The following MARCHF8 variants were observed in gnomAD, a reference collection of about 807,000 sequenced individuals.
MARCHF8 encodes the protein membrane associated ring-CH-type finger 8, also known as E3 ubiquitin-protein ligase MARCHF8.
Under a neutral mutation model 51.6 loss-of-function variants are expected in MARCHF8, and 40 were observed. The ratio of observed to expected loss-of-function variants is 0.77; its 90% CI spans 0.60 to 1.01. MARCHF8 has a LOEUF of 1.01. Ranked by LOEUF, MARCHF8 falls within the 50% of genes least tolerant of loss-of-function variation. MARCHF8 has a pLI of 0.00. For synonymous variants in MARCHF8, 263 were observed against 280.3 expected, an observed-to-expected ratio of 0.94 and a Z score of 0.62; for missense variants, 685 against 708.6, an observed-to-expected ratio of 0.97 and a Z score of 0.38.
At chr10:45,569,897 A>T (rs568163057) in intron 1 of MARCHF8, among the ~76,000 whole-genome samples, 15 of 152,336 alleles carry the variant, frequency 9.8e-5, no homozygotes, top group African/African-American at 1.7e-4. Flanking sequence ...TACAAGAGAT[A>T]CCTTTTGAAT....
chr10:45,539,131 G>C (rs1000762266), upstream of MARCHF8, among the ~76,000 whole-genome samples: 1 of 152,178 alleles, frequency 6.6e-6, no homozygotes, highest in African/African-American at 2.4e-5. Context: ...TCAGACCACA[G>C]TGCAATCAAA....
chr10:45,463,980 A>G lies in MARCHF8; in HGVS notation c.259T>C (p.Ser87Pro), dbSNP rs1842883993. 1 of 1,535,476 alleles carries G rather than the reference A, an allele frequency of 6.5e-7. No individual in the cohort carries two copies. The highest frequency in any genetic ancestry group is 8.7e-7 in the Non-Finnish European group (1 of 1,146,640). The stretch of plus-strand genomic sequence containing the variant: ...ACGGAACTGTGGTGACAACACTCAG[A>G]AAACACTGCACTGGAACTGCATGCA... The part of the protein sequence containing the change: ...QDICSSSAVF[S>P]ECCHHSSVQS... Residue 87 changes from serine to proline, a missense_variant, in exon 5 of 8, where the codon TCT becomes CCT. Coordinates refer to ENST00000453424, the MANE Select transcript of MARCHF8 (RefSeq NM_001282866.2).
chr10:45,504,248 C>T (rs890439916), intron 2 of MARCHF8, among the ~76,000 whole-genome samples: 2 of 152,172 alleles, frequency 1.3e-5, no homozygotes, highest in African/African-American at 4.8e-5. Flanking sequence ...GAGTTCAAGA[C>T]CAGCCTGACC....
intron 1 of MARCHF8, among the ~76,000 whole-genome samples, chr10:45,560,388 T>C (rs140978651): frequency 1.4e-3 from 218 of 152,314 alleles, no homozygotes; most frequent in African/African-American, 5.0e-3. Context: ...GTAAAAAAAC[T>C]GATCTAGATA....
At chr10:45,518,994 C>T (rs1766657359) in intron 2 of MARCHF8, among the ~76,000 whole-genome samples, 1 of 152,168 alleles carries the variant, frequency 6.6e-6, no homozygotes, top group Admixed American at 6.5e-5. Flanking sequence ...TAACAAGGAT[C>T]CCACCACCTT....
chr10:45,539,783 G>T (rs559916722), upstream of MARCHF8, among the ~76,000 whole-genome samples: 2 of 152,282 alleles, frequency 1.3e-5, no homozygotes, highest in Non-Finnish European at 2.9e-5. Context: ...CAGATGATAT[G>T]ATTGTATATC....
At chr10:45,570,021 T>C (rs1316288783) in intron 1 of MARCHF8, among the ~76,000 whole-genome samples, 1 of 152,140 alleles carries the variant, frequency 6.6e-6, no homozygotes, top group Non-Finnish European at 1.5e-5. Flanking sequence ...TTTTAAAATC[T>C]AAACAGCCAT....
At chr10:45,586,056 A>C (rs182158723) in intron 1 of MARCHF8, among the ~76,000 whole-genome samples, 11 of 152,340 alleles carry the variant, frequency 7.2e-5, no homozygotes, top group African/African-American at 2.6e-4. Context: ...AAACAACTCT[A>C]TTAAGACATA....
chr10:45,590,242 T>G (rs1200690612), intron 1 of MARCHF8, among the ~76,000 whole-genome samples: 1 of 152,232 alleles, frequency 6.6e-6, no homozygotes, highest in Non-Finnish European at 1.5e-5. Flanking sequence ...ATGTGCTTAC[T>G]GGCTATTTGT....
intron 1 of MARCHF8, among the ~76,000 whole-genome samples, chr10:45,583,110 C>T (rs929337748): frequency 1.3e-5 from 2 of 152,022 alleles, no homozygotes; most frequent in Non-Finnish European, 2.9e-5. Flanking sequence ...ATAGAGTTTG[C>T]CTCTATTTTT....
chr10:45,572,304 T>C (rs2044439734), intron 1 of MARCHF8, among the ~76,000 whole-genome samples: 2 of 151,846 alleles, frequency 1.3e-5, no homozygotes, highest in South Asian at 2.1e-4. Flanking sequence ...TTTCTCCATG[T>C]CTCTACCCTC....
chr10:45,524,524 G>C (rs1322943982), intron 2 of MARCHF8, among the ~76,000 whole-genome samples: 1 of 152,170 alleles, frequency 6.6e-6, no homozygotes, highest in Non-Finnish European at 1.5e-5. Context: ...CCACGCAAAT[G>C]ATCTCACAGA....
chr10:45,467,919 G>A (rs538320304), intron 3 of MARCHF8, among the ~76,000 whole-genome samples: 13 of 152,180 alleles, frequency 8.5e-5, no homozygotes, highest in East Asian at 3.9e-4. Context: ...AGTTCTTTGC[G>A]GGTTGCCAAA....
At chr10:45,521,383 A>C (rs144068292) in intron 2 of MARCHF8, among the ~76,000 whole-genome samples, 132 of 152,346 alleles carry the variant, frequency 8.7e-4, no homozygotes, top group African/African-American at 3.0e-3. Flanking sequence ...CAGCATAGCA[A>C]AATTAAGAGA....
intron 1 of MARCHF8, among the ~76,000 whole-genome samples, chr10:45,580,098 C>G (rs1374396526): frequency 6.7e-6 from 1 of 149,672 alleles, no homozygotes; most frequent in African/African-American, 2.5e-5. Flanking sequence ...AAAATTTATG[C>G]TGAAGATATT....
chr10:45,515,387 G>A (rs1356601790), intron 2 of MARCHF8, among the ~76,000 whole-genome samples: 4 of 152,110 alleles, frequency 2.6e-5, no homozygotes, highest in African/African-American at 9.7e-5. Context: ...TGTCACTAAG[G>A]TAATTTTTCA....
chr10:45,520,466 A>G (rs761130704), intron 2 of MARCHF8, among the ~76,000 whole-genome samples: 4 of 152,196 alleles, frequency 2.6e-5, no homozygotes, highest in Admixed American at 1.3e-4. Context: ...AAAAAAATCA[A>G]TGCTGAAGTA....
intron 2 of MARCHF8, among the ~76,000 whole-genome samples, chr10:45,531,716 GGT>G (rs1274070568): frequency 6.6e-6 from 1 of 152,096 alleles, no homozygotes; most frequent in African/African-American, 2.4e-5. Flanking sequence ...CTTCAGCGAG[GGT>G]GTGTTAACAG....
intron 2 of MARCHF8, among the ~76,000 whole-genome samples, chr10:45,522,885 G>A (rs75691864): frequency 2.6e-5 from 4 of 152,040 alleles, no homozygotes; most frequent in South Asian, 4.2e-4. Context: ...GTGATGGCTC[G>A]TGTCTATAAT....
Sources: gnomAD v4.1 joint callset for allele counts (sites outside exome capture counted in the v4.1 genomes callset) on GRCh38, gnomAD v4.1.1 for gene constraint, MANE v1.5 for transcripts, NCBI Gene and HGNC (gene_info 2026-07-23, HGNC 2026-07-21) for gene names.